Variants in SHPRH observed in about 807,000 individuals in gnomAD.
The protein encoded by SHPRH is E3 ubiquitin-protein ligase SHPRH.
SHPRH carries 106 observed loss-of-function variants against 202.5 expected under a neutral mutation model. The ratio of observed to expected loss-of-function variants is 0.52; its 90% CI spans 0.45 to 0.62. The LOEUF (loss-of-function observed/expected upper bound fraction) is 0.62, where lower values mean the gene tolerates loss of function less well. Ranked by LOEUF, SHPRH falls within the 20% of genes least tolerant of loss-of-function variation. SHPRH has a pLI of 0.00. For synonymous variants in SHPRH, 729 were observed against 686.0 expected (o/e 1.06, Z -0.98); for missense variants, 1,710 against 2,020.0 (o/e 0.85, Z 2.94).
At chr6:145,948,399 CAGAT>C (rs749865562) in intron 4 of SHPRH, 49 bp from the exon 5 acceptor site, 1 of 1,380,466 alleles carries the variant, frequency 7.2e-7, no homozygotes, top group Admixed American at 1.9e-5. Context: ...TCCCTTCAGT[CAGAT>C]AATCACATTA....
intron 2 of SHPRH, among the ~76,000 whole-genome samples, chr6:145,871,647 A>T (rs1183485889): frequency 6.6e-6 from 1 of 152,226 alleles, no homozygotes; most frequent in African/African-American, 2.4e-5. Flanking sequence ...ATTCAATGTT[A>T]TTCCCATTAA....
intron 2 of SHPRH, chr6:145,871,392 T>C (rs1489237840): frequency 1.3e-5 from 2 of 152,096 alleles, no homozygotes; most frequent in Non-Finnish European, 1.5e-5. Context: ...AAAATTGCTA[T>C]ACACCAACAA....
At chr6:145,929,288 AT>A (rs929165135) in intron 14 of SHPRH, among the ~76,000 whole-genome samples, 18 of 151,994 alleles carry the variant, frequency 1.2e-4, no homozygotes, top group Non-Finnish European at 2.4e-4. Flanking sequence ...TGTCAAGCTA[AT>A]TTTCTCCGAA....
At chr6:145,892,615 T>C (rs2128714750) in intron 28 of SHPRH, among the ~76,000 whole-genome samples, 1 of 152,210 alleles carries the variant, frequency 6.6e-6, no homozygotes, top group South Asian at 2.1e-4. Context: ...AGGTAATACA[T>C]TTAGCAGGCC....
chr6:145,887,759 T>A lies in SHPRH; in HGVS notation c.4955+261A>T, dbSNP rs141305538. Among the ~76,000 whole-genome samples, 196 of 152,230 alleles carry A rather than the reference T, an allele frequency of 1.3e-3. 1 individual carries two copies. The highest frequency in any genetic ancestry group is 2.3e-3 in the Non-Finnish European group (157 of 68,020). ...CATGTTGGCCAGGCTGGTTTCGAAC[T>A]CCCAGCCTCAGAAAGTGATCCAATG... On this transcript the variant is annotated intron_variant, in intron 29 of 29. Transcript: ENST00000275233.
intron 18 of SHPRH, among the ~76,000 whole-genome samples, chr6:145,923,383 A>G (rs1212676741): frequency 6.6e-6 from 1 of 151,900 alleles, no homozygotes; most frequent in Non-Finnish European, 1.5e-5. Context: ...ATGTGCTCAC[A>G]TTATGAAGTG....
chr6:145,950,144 C>T, intron 4 of SHPRH, 120 bp downstream of exon 4: 2 of 689,626 alleles, frequency 2.9e-6, no homozygotes, highest in Admixed American at 3.4e-5. Context: ...AATTTTATGG[C>T]ACCCATTCTA....
chr6:145,894,380 T>C, intron 26 of SHPRH, 144 bp from the exon 27 acceptor site: 1 of 487,894 alleles, frequency 2.0e-6, no homozygotes, highest in Middle Eastern at 5.2e-4. Flanking sequence ...TGTAGTACCA[T>C]CCATATTATT....
chr6:145,945,263 TC>T, intron 8 of SHPRH, 117 bp downstream of exon 8: 1 of 1,224,412 alleles, frequency 8.2e-7, no homozygotes, highest in Non-Finnish European at 1.1e-6. Flanking sequence ...TAAGTACTTT[TC>T]CTATTTTTTT....
At chr6:145,906,014 T>G (rs1190941697) in intron 25 of SHPRH, 1 of 152,074 alleles carries the variant, frequency 6.6e-6, no homozygotes, top group African/African-American at 2.4e-5. Flanking sequence ...CCTGCTTTAA[T>G]TAGAACCTGG....
At chr6:145,929,524 A>C (rs960732949) in intron 14 of SHPRH, among the ~76,000 whole-genome samples, 2 of 152,100 alleles carry the variant, frequency 1.3e-5, no homozygotes, top group African/African-American at 2.4e-5. Flanking sequence ...TAAGTTATAT[A>C]TGTAATGTTA....
At chr6:145,894,129 C>A in intron 27 of SHPRH, 21 bp downstream of exon 27, 2 of 1,566,684 alleles carry the variant, frequency 1.3e-6, no homozygotes, top group South Asian at 1.2e-5. Flanking sequence ...CTACAAAAAC[C>A]GGAGTAAAAT....
chr6:145,870,125 TTTTTAA>T (rs1779989688), intron 2 of SHPRH, among the ~76,000 whole-genome samples: 1 of 152,104 alleles, frequency 6.6e-6, no homozygotes, highest in Non-Finnish European at 1.5e-5. Context: ...TGGTATTACA[TTTTTAA>T]TTTTAAATTC....
At chr6:145,959,040 T>C (rs1788800093) in intron 1 of SHPRH, among the ~76,000 whole-genome samples, 1 of 152,070 alleles carries the variant, frequency 6.6e-6, no homozygotes, top group African/African-American at 2.4e-5. Context: ...GTTTCATGTG[T>C]TAGCCAGGAT....
chr6:145,926,031 T>C (rs1784846615), intron 16 of SHPRH, among the ~76,000 whole-genome samples, 173 bp downstream of exon 16: 1 of 152,020 alleles, frequency 6.6e-6, no homozygotes, highest in African/African-American at 2.4e-5. Flanking sequence ...AAATAATACG[T>C]ACTGCTGCCA....
At chr6:145,919,268 G>C in intron 22 of SHPRH, 80 bp downstream of exon 22, 1 of 1,564,790 alleles carries the variant, frequency 6.4e-7, no homozygotes, top group South Asian at 1.2e-5. Flanking sequence ...TCAGTGCCCT[G>C]ATTCTGCCTT....
chr6:145,920,336 A>C (rs9376970), intron 21 of SHPRH, among the ~76,000 whole-genome samples: 98,299 of 151,964 alleles, frequency 0.65, 32,572 homozygotes, highest in African/African-American at 0.78. Flanking sequence ...GAACATCATA[A>C]GTAACACTTC....
chr6:145,884,155 T>C (rs934983970), downstream of SHPRH: 1 of 141,188 alleles, frequency 7.1e-6, no homozygotes, highest in Admixed American at 6.8e-5. Flanking sequence ...TTGATCATTA[T>C]TTGTAAAGTA....
chr6:145,871,764 G>A (rs1157504311), intron 2 of SHPRH, among the ~76,000 whole-genome samples: 1 of 152,178 alleles, frequency 6.6e-6, no homozygotes, highest in Non-Finnish European at 1.5e-5. Context: ...AAAGAACAAA[G>A]GTGGAGGCAT....
Sources: gnomAD v4.1 joint callset for allele counts (sites outside exome capture counted in the v4.1 genomes callset) on GRCh38, gnomAD v4.1.1 for gene constraint, MANE v1.5 for transcripts, NCBI Gene and HGNC (gene_info 2026-07-23, HGNC 2026-07-21) for gene names.